The following SLC6A6 variants were observed in gnomAD, a reference collection of about 807,000 sequenced individuals.
SLC6A6 encodes solute carrier family 6 member 6.
Under a neutral mutation model 68.8 loss-of-function variants are expected in SLC6A6, and 16 were observed. The observed-to-expected ratio is 0.23, with a 90% CI of 0.16 to 0.35. The LOEUF (loss-of-function observed/expected upper bound fraction) is 0.35. Ranked by LOEUF, SLC6A6 falls within the 10% of genes least tolerant of loss-of-function variation. The probability of loss-of-function intolerance (pLI) is 1.00; values close to 1 mark genes in which losing one functional copy is unlikely to be tolerated. For synonymous variants in SLC6A6, 312 were observed against 315.4 expected, an observed-to-expected ratio of 0.99 and a Z score of 0.12; for missense variants, 474 against 802.8, an observed-to-expected ratio of 0.59 and a Z score of 4.95.
At chr3:14,480,688 G>C (rs940068134) in intron 13 of SLC6A6, among the ~76,000 whole-genome samples, 5 of 152,342 alleles carry the variant, frequency 3.3e-5, no homozygotes, top group African/African-American at 1.2e-4. Context: ...CCAGTTACTA[G>C]GTGTTGAAGA....
chr3:14,426,795 A>C (rs571856069), intron 2 of SLC6A6, among the ~76,000 whole-genome samples: 82 of 152,120 alleles, frequency 5.4e-4, no homozygotes, highest in Admixed American at 1.1e-3. Flanking sequence ...GCCCTGCCCT[A>C]GAGCTTCCTG....
At chr3:14,482,584 A>T (rs1701033306) in intron 14 of SLC6A6, among the ~76,000 whole-genome samples, 2 of 152,102 alleles carry the variant, frequency 1.3e-5, no homozygotes, top group African/African-American at 4.8e-5. Context: ...TTCTCTTTTA[A>T]AAATCTGGAG....
chr3:14,420,707 C>T (rs1699466692), intron 2 of SLC6A6, among the ~76,000 whole-genome samples: 1 of 152,108 alleles, frequency 6.6e-6, no homozygotes, highest in Admixed American at 6.5e-5. Flanking sequence ...TGGTTTCAAA[C>T]TTCTGGGCTC....
intron 1 of SLC6A6, 40 bp from the exon 2 acceptor site, chr3:14,416,372 G>A (rs1258781611): frequency 2.5e-6 from 1 of 398,368 alleles, no homozygotes; most frequent in Non-Finnish European, 4.4e-6. Flanking sequence ...CCTCTGACCA[G>A]ATCTCTTTCT....
chr3:14,485,808 C>T lies in SLC6A6; in HGVS notation c.*801C>T, dbSNP rs557775333. On this transcript the variant is annotated 3_prime_UTR_variant, in exon 15 of 15. Coordinates refer to ENST00000622186, the MANE Select transcript of SLC6A6 (RefSeq NM_003043.6). ...TGGATAGTCAGTAGACCGTCAGAAC[C>T]ACTGGCCAGAGAGGGAGCTGCTAGA... The T allele has an allele frequency of 2.0e-5, 3 of 152,506 alleles. No individual in the cohort carries two copies. The highest frequency in any genetic ancestry group is 2.0e-4 in the Admixed American group (3 of 15,298). 9.4% of individuals were successfully genotyped at this position (152,506 alleles called of 1,614,324 possible). A position where few individuals can be genotyped will look rare whatever the true frequency, so the allele number is the denominator to read the frequency against.
At position 14,486,842 on chromosome 3, in the gene SLC6A6, C is replaced by T. The variant is rs978626852; in HGVS notation, c.*1835C>T. ...CTGAACCCCATCTTTGGCAGGCATACATATTTCACTGTTTCCAAAGCTATC... is the reference window on the plus strand; with the variant it reads ...CTGAACCCCATCTTTGGCAGGCATATATATTTCACTGTTTCCAAAGCTATC... On this transcript the variant is annotated 3_prime_UTR_variant, in exon 15 of 15. Coordinates refer to ENST00000622186, the MANE Select transcript of SLC6A6 (RefSeq NM_003043.6). 1.3e-5 allele frequency: 2 copies of T among 152,138 alleles called. No homozygotes were observed. The highest frequency in any genetic ancestry group is 1.3e-4 in the Admixed American group (2 of 15,278). 9.4% of individuals were successfully genotyped at this position (152,138 alleles called of 1,614,324 possible). A position where few individuals can be genotyped will look rare whatever the true frequency, so the allele number is the denominator to read the frequency against.
rs1348484105 is a variant in SLC6A6, at chr3:14,413,493, T to TAGAACACGTA, written c.-53-2919_-53-2918insAGAACACGTA. On this transcript the variant is annotated intron_variant, in intron 1 of 14. Coordinates refer to ENST00000622186, the MANE Select transcript of SLC6A6 (RefSeq NM_003043.6). The stretch of plus-strand genomic sequence containing the variant: ...GGAAAAGTAGAACACGTAGTGACTC[T>TAGAACACGTA]GAGTCCTCAAAATGCTGTCCCTGGC... 2.0e-5 allele frequency among the ~76,000 whole-genome samples: 3 copies of TAGAACACGTA among 152,346 alleles called. No individual in the cohort carries two copies. The East Asian group carries it at 5.8e-4, about 29-fold the overall frequency.
chr3:14,457,893 T>C, intron 5 of SLC6A6, 57 bp from the exon 6 acceptor site: 2 of 1,589,518 alleles, frequency 1.3e-6, no homozygotes, highest in Non-Finnish European at 1.7e-6. Flanking sequence ...GAGCCTTGGC[T>C]CTCTCTACTC....
Position 14,468,340 on chromosome 3 carries a change from CCCCCCG to C in SLC6A6, c.1096+131_1096+136del. On this transcript the variant is annotated intron_variant, in intron 9 of 14. Transcript: ENST00000622186. The surrounding 1 kb of genome is among the most constrained non-coding windows in gnomAD (Gnocchi z 4.5). ...GAGCCTGGTTTCTAAAATGGACCCC[CCCCCCG>C]CCACCAAGATATCCCCCAAATTTCA... 1.4e-6 allele frequency: 1 copy of C among 728,562 alleles called. No homozygotes were observed. The highest frequency in any genetic ancestry group is 2.1e-6 in the Non-Finnish European group (1 of 473,102). The allele number at this position is 728,562 out of a possible 1,614,324, so 45.1% of individuals were successfully genotyped here. A position where few individuals can be genotyped will look rare whatever the true frequency, so the allele number is the denominator to read the frequency against.
intron 4 of SLC6A6, 147 bp from the exon 5 acceptor site, chr3:14,447,435 T>C: frequency 8.5e-6 from 8 of 936,806 alleles, no homozygotes; most frequent in Non-Finnish European, 1.3e-5. Flanking sequence ...CAGCCATCCA[T>C]TCACCCTATA....
intron 3 of SLC6A6, 84 bp downstream of exon 3, chr3:14,443,947 C>T (rs771891283): frequency 1.1e-5 from 10 of 925,632 alleles, no homozygotes; most frequent in Admixed American, 4.1e-5. Context: ...CGTGGGTGGC[C>T]TCTCTTTCCC....
intron 2 of SLC6A6, among the ~76,000 whole-genome samples, chr3:14,425,419 C>T (rs1416267491): frequency 6.6e-6 from 1 of 151,950 alleles, no homozygotes; most frequent in African/African-American, 2.4e-5. Context: ...GGCCCCTCCT[C>T]TCCACACACA....
intron 2 of SLC6A6, among the ~76,000 whole-genome samples, chr3:14,421,838 A>G (rs1339002067): frequency 2.0e-5 from 3 of 152,194 alleles, no homozygotes; most frequent in South Asian, 4.1e-4. Flanking sequence ...GGTTTTGCAC[A>G]CAGCTGCTGC....
intron 2 of SLC6A6, among the ~76,000 whole-genome samples, chr3:14,441,805 C>T (rs1048448770): frequency 2.0e-5 from 3 of 152,250 alleles, no homozygotes; most frequent in Non-Finnish European, 4.4e-5. Context: ...TTGCAGTTGT[C>T]ACCAGCTGCC....
chr3:14,426,249 C>T (rs564242945), intron 2 of SLC6A6, among the ~76,000 whole-genome samples: 77 of 152,312 alleles, frequency 5.1e-4, no homozygotes, highest in Middle Eastern at 3.4e-3. Flanking sequence ...TCCAGTCCAC[C>T]ACTTCCTGGC....
intron 1 of SLC6A6, among the ~76,000 whole-genome samples, chr3:14,403,940 G>A (rs1310721980): frequency 6.6e-6 from 1 of 152,208 alleles, no homozygotes; most frequent in African/African-American, 2.4e-5. Flanking sequence ...TCACTGTTGG[G>A]CCTCTGCCAG....
chr3:14,423,284 G>C (rs569441801), intron 2 of SLC6A6, among the ~76,000 whole-genome samples: 1 of 152,290 alleles, frequency 6.6e-6, no homozygotes, highest in South Asian at 2.1e-4. Context: ...GCTGTGCCAG[G>C]CCTTCTCATG....
intron 6 of SLC6A6, among the ~76,000 whole-genome samples, chr3:14,462,334 G>C (rs1700513742): frequency 6.6e-6 from 1 of 152,218 alleles, no homozygotes; most frequent in Non-Finnish European, 1.5e-5. Flanking sequence ...ATGTGCTCAG[G>C]AAAGAGACTG....
rs917358131 is a variant in SLC6A6 at position 14,486,380 on chromosome 3, C to T, written c.*1373C>T. Reference sequence around the variant, plus strand: ...TGCTGACCTAGGATATAACAAAGCTCTTCACTTCAAAACCCCTGCAATAGC... The same window carrying T: ...TGCTGACCTAGGATATAACAAAGCTTTTCACTTCAAAACCCCTGCAATAGC... On this transcript the variant is annotated 3_prime_UTR_variant, in exon 15 of 15. Transcript: ENST00000622186. 6.6e-6 allele frequency: 1 copy of T among 152,574 alleles called. No individual in the cohort carries two copies. The highest frequency in any genetic ancestry group is 1.9e-4 in the East Asian group (1 of 5,190). 9.5% of individuals were successfully genotyped at this position (152,574 alleles called of 1,614,324 possible).
Sources: allele counts gnomAD v4.1 joint callset (sites outside exome capture counted in the v4.1 genomes callset), GRCh38; gene constraint gnomAD v4.1.1; non-coding constraint Gnocchi (gnomAD v3.1); transcripts MANE v1.5; gene names NCBI Gene and HGNC (gene_info 2026-07-23, HGNC 2026-07-21).